Variants in SGPL1 observed in about 807,000 individuals in gnomAD.
The protein encoded by SGPL1 is sphingosine-1-phosphate lyase 1.
Under a neutral mutation model 68.9 loss-of-function variants are expected in SGPL1, and 37 were observed. That is an observed-to-expected ratio of 0.54 (90% confidence interval 0.41 to 0.71). The LOEUF is 0.71. Among genes scored for constraint, SGPL1 ranks in the 30% least tolerant of loss-of-function variants. The pLI is 0.00. For missense variants in SGPL1, 551 were observed against 704.6 expected (o/e 0.78, Z 2.47); for synonymous variants, 236 against 248.5 (o/e 0.95, Z 0.47).
In SGPL1 at chr10:70,864,634, C is replaced by T. The variant is rs1846146524; in HGVS notation, c.616-3711C>T. Among the ~76,000 whole-genome samples the T allele has an allele frequency of 2.0e-5, 3 of 152,040 alleles. No homozygotes were observed. The South Asian group carries it at 6.2e-4, about 32-fold the overall frequency. ...ATAGTGAGAAAGTTATAAGGGGTTTCCTTCATCCCTTAGCTTGTTTCCTTC... is the reference window on the plus strand; with the variant it reads ...ATAGTGAGAAAGTTATAAGGGGTTTTCTTCATCCCTTAGCTTGTTTCCTTC... On this transcript the variant is annotated intron_variant, in intron 7 of 14. Coordinates refer to ENST00000373202, the MANE Select transcript of SGPL1 (RefSeq NM_003901.4).
intron 2 of SGPL1, among the ~76,000 whole-genome samples, chr10:70,832,145 C>T (rs1305357541): frequency 6.6e-6 from 1 of 152,154 alleles, no homozygotes; most frequent in Admixed American, 6.5e-5. Context: ...GAAACTCTTC[C>T]AAGTATTAAT....
chr10:70,872,935 C>CA (rs1404554118), intron 11 of SGPL1, among the ~76,000 whole-genome samples: 1 of 151,900 alleles, frequency 6.6e-6, no homozygotes, highest in Admixed American at 6.6e-5. Flanking sequence ...TAATACTAAG[C>CA]AAAAAAAGAT....
At chr10:70,816,426 G>C (rs1432091330) in intron 1 of SGPL1, among the ~76,000 whole-genome samples, 1 of 152,174 alleles carries the variant, frequency 6.6e-6, no homozygotes, top group Admixed American at 6.5e-5. Flanking sequence ...CAACGAGAGC[G>C]AGGCCGTGCT....
intron 5 of SGPL1, among the ~76,000 whole-genome samples, chr10:70,856,035 C>T (rs1380882208): frequency 1.3e-5 from 2 of 152,086 alleles, no homozygotes; most frequent in Non-Finnish European, 2.9e-5. Context: ...CACTGTGTTG[C>T]CCAGGCTGGA....
In SGPL1 at chr10:70,824,091, T is replaced by C. The variant is rs10999560; in HGVS notation, c.27+7211T>C. 3.0e-3 allele frequency among the ~76,000 whole-genome samples: 464 copies of C among 152,334 alleles called. 16 individuals are homozygous for C. The East Asian group carries it at 0.078, about 25-fold the overall frequency. On this transcript the variant is annotated intron_variant, in intron 2 of 14. Coordinates refer to ENST00000373202, the MANE Select transcript of SGPL1 (RefSeq NM_003901.4). ...GGATATATATCCCAAGCAGAATCTG[T>C]TCCTATCAAAAGACCATAATCATCG... is the stretch of plus-strand genomic sequence containing the variant.
chr10:70,817,879 CAG>C (rs1311487086), intron 2 of SGPL1, among the ~76,000 whole-genome samples: 1 of 152,200 alleles, frequency 6.6e-6, no homozygotes. Context: ...TTTTGTTGGA[CAG>C]AGAGGTATGC....
chr10:70,870,917 T>C, intron 9 of SGPL1, 131 bp from the exon 10 acceptor site: 1 of 693,064 alleles, frequency 1.4e-6, no homozygotes, highest in Non-Finnish European at 2.6e-6. Context: ...CTTCTCCCAG[T>C]TGGAGTGGTG....
At chr10:70,863,082 C>T (rs1437165854) in intron 7 of SGPL1, among the ~76,000 whole-genome samples, 1 of 152,102 alleles carries the variant, frequency 6.6e-6, no homozygotes, top group Non-Finnish European at 1.5e-5. Context: ...CCTCTCTGGG[C>T]TCAAGCGACC....
chr10:70,875,888 T>C (rs1846375711), intron 13 of SGPL1, among the ~76,000 whole-genome samples: 1 of 152,188 alleles, frequency 6.6e-6, no homozygotes, highest in African/African-American at 2.4e-5. Context: ...AATATTTAGT[T>C]CAAGATCTTC....
intron 13 of SGPL1, among the ~76,000 whole-genome samples, chr10:70,876,172 C>T (rs1052737853): frequency 6.6e-6 from 1 of 152,150 alleles, no homozygotes; most frequent in African/African-American, 2.4e-5. Context: ...AAGACCCCAG[C>T]CATGTGGCCC....
chr10:70,870,817 C>T (rs888823370), intron 9 of SGPL1, among the ~76,000 whole-genome samples: 11 of 152,144 alleles, frequency 7.2e-5, no homozygotes, highest in African/African-American at 9.7e-5. Context: ...GCCCCCACAG[C>T]GATTCTGTTC....
At chr10:70,874,042 A>G (rs1420123021) in intron 12 of SGPL1, among the ~76,000 whole-genome samples, 1 of 152,194 alleles carries the variant, frequency 6.6e-6, no homozygotes, top group African/African-American at 2.4e-5. Context: ...TACTGATGCT[A>G]CTGCTCCAGG....
At chr10:70,816,514 G>A (rs1273516302) in intron 1 of SGPL1, among the ~76,000 whole-genome samples, 1 of 152,160 alleles carries the variant, frequency 6.6e-6, no homozygotes, top group Non-Finnish European at 1.5e-5. Flanking sequence ...GCCTGGGCTG[G>A]GCTCCCCACC....
At chr10:70,850,051 G>A (rs1845853917) in intron 3 of SGPL1, among the ~76,000 whole-genome samples, 1 of 152,208 alleles carries the variant, frequency 6.6e-6, no homozygotes, top group South Asian at 2.1e-4. Context: ...GATTGTGAAT[G>A]CATCAGAAGG....
intron 7 of SGPL1, among the ~76,000 whole-genome samples, chr10:70,865,324 CT>C (rs60825486): frequency 0.35 from 51,501 of 148,796 alleles, 9,062 homozygotes; most frequent in South Asian, 0.5. Context: ...TGCACTCACC[CT>C]TTTTTTTTTT....
chr10:70,867,561 C>CAA (rs1257961058), intron 7 of SGPL1, among the ~76,000 whole-genome samples: 53 of 101,836 alleles, frequency 5.2e-4, no homozygotes, highest in African/African-American at 1.6e-3. Flanking sequence ...GACTCTGTCT[C>CAA]AAAAAAAAAA....
chr10:70,854,667 A>T (rs944129554), intron 4 of SGPL1, 41 bp from the exon 5 acceptor site: 1 of 1,578,060 alleles, frequency 6.3e-7, no homozygotes, highest in East Asian at 2.2e-5. Context: ...TCTCTACTGT[A>T]CTCTTGCATC....
chr10:70,819,643 T>G (rs1228601449), intron 2 of SGPL1, among the ~76,000 whole-genome samples: 3 of 150,784 alleles, frequency 2.0e-5, no homozygotes, highest in Non-Finnish European at 4.4e-5. Flanking sequence ...TTTTTTTTTT[T>G]TTTTTGAGAC....
At chr10:70,869,942 G>A in intron 9 of SGPL1, 45 bp downstream of exon 9, 1 of 1,475,376 alleles carries the variant, frequency 6.8e-7, no homozygotes, top group South Asian at 1.1e-5. Flanking sequence ...GGCCCTGACA[G>A]CAGAAGGGCC....
Sources: gnomAD v4.1 joint callset for allele counts (sites outside exome capture counted in the v4.1 genomes callset) on GRCh38, gnomAD v4.1.1 for gene constraint, MANE v1.5 for transcripts, NCBI Gene and HGNC (gene_info 2026-07-23, HGNC 2026-07-21) for gene names.